TRPC6: variants seen among roughly 807,000 people sequenced by gnomAD.
TRPC6 encodes the protein transient receptor potential cation channel subfamily C member 6.
A neutral mutation model predicts 90.7 loss-of-function variants in TRPC6; 55 were observed. The ratio of observed to expected loss-of-function variants is 0.61; its 90% confidence interval spans 0.49 to 0.76. The LOEUF (loss-of-function observed/expected upper bound fraction) is 0.76, where lower values mean the gene tolerates loss of function less well. Among genes scored for constraint, TRPC6 ranks in the 30% least tolerant of loss-of-function variants. TRPC6 has a pLI of 0.00. For missense variants in TRPC6, 989 were observed against 1,122.7 expected (o/e 0.88, Z 1.70); for synonymous variants, 393 against 393.0 (o/e 1.00, Z 0.00).
At chr11:101,569,065 C>A (rs1223157186) in intron 1 of TRPC6, among the ~76,000 whole-genome samples, 1 of 151,920 alleles carries the variant, frequency 6.6e-6, no homozygotes, top group African/African-American at 2.4e-5. Flanking sequence ...CACAGAATGG[C>A]AAGTTGGATG....
chr11:101,515,948 G>C (rs1192905318), intron 1 of TRPC6, among the ~76,000 whole-genome samples: 1 of 151,954 alleles, frequency 6.6e-6, no homozygotes, highest in African/African-American at 2.4e-5. Flanking sequence ...TAACTTTATA[G>C]GTGTTATTTT....
rs1402897046 is a variant in TRPC6 at position 101,583,932 on chromosome 11, CT to C, written c.-430del. ...CCGCACTCTCCGTCAAGATCCCCAC[CT>C]TTAAAGGGATCCGAGCGACGTTCTA... On this transcript the variant is annotated 5_prime_UTR_variant, in exon 1 of 13. Transcript: ENST00000344327. 1 of 163,440 alleles carries C rather than the reference CT, an allele frequency of 6.1e-6. No homozygotes were observed. The highest frequency in any genetic ancestry group is 1.3e-5 in the Non-Finnish European group (1 of 76,016). The allele number at this position is 163,440 out of a possible 1,614,324, so 10.1% of individuals were successfully genotyped here.
At chr11:101,579,219 A>T (rs900245868) in intron 1 of TRPC6, among the ~76,000 whole-genome samples, 3 of 151,660 alleles carry the variant, frequency 2.0e-5, no homozygotes, top group African/African-American at 7.3e-5. Flanking sequence ...CCTTCCATTA[A>T]TTTTTTTTAA....
chr11:101,583,254 C>A (rs1862239761), intron 1 of TRPC6, 80 bp downstream of exon 1: 14 of 1,499,298 alleles, frequency 9.3e-6, no homozygotes, highest in Non-Finnish European at 1.2e-5. Context: ...CGCGCGCGGA[C>A]GGACTCGGCC....
chr11:101,558,460 T>TACACACACACAC lies in TRPC6; in HGVS notation c.170+24862_170+24873dup, dbSNP rs71056630. The stretch of plus-strand genomic sequence containing the variant: ...ATACATATATATACACACGCACACA[T>TACACACACACAC]ACACACACACACACACACACACACA... On this transcript the variant is annotated intron_variant, in intron 1 of 12. Coordinates refer to ENST00000344327, the MANE Select transcript of TRPC6 (RefSeq NM_004621.6). Among the ~76,000 whole-genome samples, 214 of 50,494 alleles carry TACACACACACAC rather than the reference T, an allele frequency of 4.2e-3. 61 individuals are homozygous for TACACACACACAC. Among genetic ancestry groups the TACACACACACAC allele is most frequent in the South Asian group, 0.032 (46 of 1,454 alleles). 33.1% of individuals were successfully genotyped at this position (50,494 alleles called of 152,430 possible).
intron 1 of TRPC6, among the ~76,000 whole-genome samples, chr11:101,541,272 C>A (rs1045500062): frequency 6.6e-6 from 1 of 152,166 alleles, no homozygotes; most frequent in African/African-American, 2.4e-5. Context: ...CGCTGGTTAT[C>A]TATCATCCAA....
intron 1 of TRPC6, among the ~76,000 whole-genome samples, chr11:101,539,534 G>C (rs1179327276): frequency 6.6e-6 from 1 of 152,092 alleles, no homozygotes; most frequent in African/African-American, 2.4e-5. Context: ...GAGACACCTT[G>C]TCACCAATTT....
Position 101,491,689 on chromosome 11 carries a change from A to ATT in TRPC6, c.994_995insAA (p.Leu332GlnfsTer16). On this transcript the variant is annotated frameshift_variant, in exon 3 of 13. Transcript: ENST00000344327. LOFTEE classifies it high-confidence loss of function. ...TTCAGTGTTTCTGCACAGATCAAGGAGTCCAACAACAAAGTCTTTGCACTG... is the reference window on the plus strand; with the variant it reads ...TTCAGTGTTTCTGCACAGATCAAGGATTGTCCAACAACAAAGTCTTTGCACTG... The ATT allele has an allele frequency of 6.2e-7, 1 of 1,614,048 alleles. No individual in the cohort carries two copies. Among genetic ancestry groups the ATT allele is most frequent in the Non-Finnish European group, 8.5e-7 (1 of 1,179,994 alleles).
intron 1 of TRPC6, among the ~76,000 whole-genome samples, chr11:101,560,241 T>C (rs1318273708): frequency 6.6e-6 from 1 of 152,042 alleles, no homozygotes; most frequent in African/African-American, 2.4e-5. Flanking sequence ...TTGGACCATT[T>C]AGCATTTGAA....
chr11:101,526,223 C>G (rs1860776590), intron 1 of TRPC6, among the ~76,000 whole-genome samples: 1 of 152,152 alleles, frequency 6.6e-6, no homozygotes, highest in South Asian at 2.1e-4. Context: ...ATGCAGACCC[C>G]TCTAATGAAT....
intron 2 of TRPC6, among the ~76,000 whole-genome samples, chr11:101,497,088 G>C (rs1859967032): frequency 6.6e-6 from 1 of 152,188 alleles, no homozygotes; most frequent in South Asian, 2.1e-4. Flanking sequence ...TGAGTAGAAA[G>C]CATACCTGGA....
intron 1 of TRPC6, among the ~76,000 whole-genome samples, chr11:101,512,098 A>G (rs1036820263): frequency 2.0e-5 from 3 of 152,140 alleles, no homozygotes; most frequent in African/African-American, 4.8e-5. Flanking sequence ...ACCCATCTTC[A>G]CAGTGAACTC....
chr11:101,583,204 T>C (rs1341588109), intron 1 of TRPC6, 130 bp downstream of exon 1: 54 of 1,439,888 alleles, frequency 3.8e-5, no homozygotes, highest in Non-Finnish European at 4.8e-5. Context: ...CTCGCGGACC[T>C]CCCAGCACCG....
intron 1 of TRPC6, among the ~76,000 whole-genome samples, chr11:101,553,582 T>C (rs1861498130): frequency 6.6e-6 from 1 of 152,196 alleles, no homozygotes; most frequent in Non-Finnish European, 1.5e-5. Context: ...TCTAGATTGC[T>C]GATCAGTACT....
At chr11:101,472,372 TATAA>T (rs1402194254) in intron 7 of TRPC6, 40 bp from the exon 8 acceptor site, 3 of 1,557,976 alleles carry the variant, frequency 1.9e-6, no homozygotes, top group East Asian at 4.6e-5. Flanking sequence ...TAAGAAAGTG[TATAA>T]ATAAATAACA....
intron 10 of TRPC6, chr11:101,455,491 A>G (rs1346867314): frequency 4.9e-6 from 1 of 204,086 alleles, no homozygotes; most frequent in Non-Finnish European, 1.0e-5. Flanking sequence ...TAACTAAGAC[A>G]TCCACACCTG....
chr11:101,492,609 C>T (rs1392867257), intron 2 of TRPC6, among the ~76,000 whole-genome samples: 1 of 152,026 alleles, frequency 6.6e-6, no homozygotes, highest in Non-Finnish European at 1.5e-5. Context: ...GTGTACCAAA[C>T]TCACCTGTTG....
At position 101,516,806 on chromosome 11, in the gene TRPC6, G is replaced by A. The variant is rs904676490; in HGVS notation, c.171-12008C>T. 5.9e-5 allele frequency among the ~76,000 whole-genome samples: 9 copies of A among 152,326 alleles called. No individual in the cohort carries two copies. The Middle Eastern group carries it at 0.01, about 173-fold the overall frequency. On this transcript the variant is annotated intron_variant, in intron 1 of 12. Transcript: ENST00000344327. ...GCAGCAGCTAGCCGAGTAGCCAGCA[G>A]GGCATCTGGCCATGCATCTGCTGCT...
rs150541268 is a variant in TRPC6 at position 101,536,638 on chromosome 11, T to G, written c.171-31840A>C. Among the ~76,000 whole-genome samples, 275 of 152,108 alleles carry G rather than the reference T, an allele frequency of 1.8e-3. 5 individuals carry two copies. In the East Asian group the frequency reaches 0.026, roughly 14 times the overall value. On this transcript the variant is annotated intron_variant, in intron 1 of 12. Coordinates refer to ENST00000344327, the MANE Select transcript of TRPC6 (RefSeq NM_004621.6). The stretch of plus-strand genomic sequence containing the variant: ...ATAACTAATATCATGGCCCTTAAGA[T>G]CCTAGCATGTTTGAGGAGCCAAAAG...
Sources: gnomAD v4.1 joint callset for allele counts (sites outside exome capture counted in the v4.1 genomes callset) on GRCh38, gnomAD v4.1.1 for gene constraint, MANE v1.5 for transcripts, NCBI Gene and HGNC (gene_info 2026-07-23, HGNC 2026-07-21) for gene names.